The following ERBB4 variants were observed in gnomAD, a reference collection of about 807,000 sequenced individuals.
The protein encoded by ERBB4 is erb-b2 receptor tyrosine kinase 4, also known as receptor tyrosine-protein kinase erbB-4.
ERBB4 carries 42 observed loss-of-function variants against 158.0 expected under a neutral mutation model. The observed-to-expected ratio is 0.27, with a 90% CI of 0.21 to 0.34. The LOEUF is 0.34. Among genes scored for constraint, ERBB4 ranks in the 10% least tolerant of loss-of-function variants. The pLI, the probability that ERBB4 is intolerant of heterozygous loss-of-function variation, is 1.00. For synonymous variants in ERBB4, 583 were observed against 558.7 expected, an observed-to-expected ratio of 1.04 and a Z score of -0.61; for missense variants, 1,333 against 1,624.1, an observed-to-expected ratio of 0.82 and a Z score of 3.08.
At chr2:211,574,069 T>C (rs2067820847) in intron 19 of ERBB4, among the ~76,000 whole-genome samples, 1 of 152,238 alleles carries the variant, frequency 6.6e-6, no homozygotes, top group Non-Finnish European at 1.5e-5. Context: ...TTAGCTATTA[T>C]TATTTTTATT....
intron 1 of ERBB4, among the ~76,000 whole-genome samples, chr2:212,209,885 G>GA (rs1449722643): frequency 2.6e-5 from 4 of 152,056 alleles, no homozygotes; most frequent in Non-Finnish European, 5.9e-5. Flanking sequence ...GTAGAGAAAA[G>GA]ACACCCTTTC....
intron 20 of ERBB4, among the ~76,000 whole-genome samples, chr2:211,486,671 A>G (rs992000018): frequency 3.3e-5 from 5 of 152,026 alleles, no homozygotes; most frequent in Non-Finnish European, 7.4e-5. Context: ...ATAACCATCC[A>G]TGACCCTGTG....
chr2:212,137,119 G>C (rs1269593348), intron 1 of ERBB4, among the ~76,000 whole-genome samples: 1 of 152,020 alleles, frequency 6.6e-6, no homozygotes, highest in South Asian at 2.1e-4. Flanking sequence ...TGAGTAGTGG[G>C]TTGTTATTTT....
intron 1 of ERBB4, among the ~76,000 whole-genome samples, chr2:212,291,674 T>C (rs1162565026): frequency 2.6e-5 from 4 of 152,138 alleles, no homozygotes; most frequent in Admixed American, 1.3e-4. Flanking sequence ...AAATAATCAT[T>C]TGATGAACAT....
intron 1 of ERBB4, among the ~76,000 whole-genome samples, chr2:212,508,722 C>A (rs1168208952): frequency 2.0e-5 from 3 of 152,056 alleles, no homozygotes; most frequent in African/African-American, 7.2e-5. Flanking sequence ...CTAATTTCAG[C>A]ATTCTGGAAC....
chr2:211,538,197 TCTC>T (rs1432405334), intron 20 of ERBB4, among the ~76,000 whole-genome samples: 2 of 151,806 alleles, frequency 1.3e-5, no homozygotes, highest in African/African-American at 4.8e-5. Flanking sequence ...AGTACTGCCT[TCTC>T]CTTCTACAGG....
intron 1 of ERBB4, among the ~76,000 whole-genome samples, chr2:212,411,822 GCTATA>G (rs1191954592): frequency 6.6e-6 from 1 of 152,002 alleles, no homozygotes; most frequent in Non-Finnish European, 1.5e-5. Context: ...TATAGTATCT[GCTATA>G]CTATACTATA....
At chr2:212,483,608 C>G (rs926186711) in intron 1 of ERBB4, among the ~76,000 whole-genome samples, 1 of 152,226 alleles carries the variant, frequency 6.6e-6, no homozygotes, top group Non-Finnish European at 1.5e-5. Context: ...AATGTTTTCT[C>G]TTCTCTTTGT....
At chr2:212,487,449 G>A (rs1236730930) in intron 1 of ERBB4, among the ~76,000 whole-genome samples, 1 of 151,802 alleles carries the variant, frequency 6.6e-6, no homozygotes, top group Admixed American at 6.6e-5. Flanking sequence ...AAATGGGGAG[G>A]TGCGACAAAT....
intron 4 of ERBB4, among the ~76,000 whole-genome samples, chr2:211,784,665 G>T (rs1452877122): frequency 6.6e-6 from 1 of 152,002 alleles, no homozygotes; most frequent in Non-Finnish European, 1.5e-5. Context: ...TTTAATTTTT[G>T]AGAAACCACC....
At chr2:212,471,634 A>G (rs1689122959) in intron 1 of ERBB4, among the ~76,000 whole-genome samples, 1 of 151,884 alleles carries the variant, frequency 6.6e-6, no homozygotes, top group Non-Finnish European at 1.5e-5. Flanking sequence ...TGTTACTATA[A>G]TATAAATGAA....
chr2:212,088,615 T>G (rs1010795624), intron 2 of ERBB4, among the ~76,000 whole-genome samples: 29 of 152,106 alleles, frequency 1.9e-4, no homozygotes, highest in Admixed American at 1.4e-3. Flanking sequence ...ATTACCCACT[T>G]CTTTGTGGTT....
chr2:211,650,899 T>C (rs569487152), intron 16 of ERBB4, among the ~76,000 whole-genome samples: 1 of 152,184 alleles, frequency 6.6e-6, no homozygotes, highest in African/African-American at 2.4e-5. Context: ...TACAATTACA[T>C]AGAATCTCAA....
At chr2:212,487,461 A>C (rs1690038151) in intron 1 of ERBB4, among the ~76,000 whole-genome samples, 1 of 152,110 alleles carries the variant, frequency 6.6e-6, no homozygotes, top group Admixed American at 6.6e-5. Context: ...GCGACAAATA[A>C]AAAATTAAGT....
rs188130889 is a variant in ERBB4, at chr2:212,321,259, G to A, written c.83-196356C>T. On this transcript the variant is annotated intron_variant, in intron 1 of 27. Transcript: ENST00000342788. ...TGTAAAGTGATTAAAGAACAACTAC[G>A]TTTATTAACAAATTAATTGAGGGAC... Among the ~76,000 whole-genome samples the A allele has an allele frequency of 1.8e-4, 27 of 150,600 alleles. No homozygotes were observed. The East Asian group carries it at 2.3e-3, about 13-fold the overall frequency.
At chr2:212,020,285 C>T (rs1006779253) in intron 2 of ERBB4, among the ~76,000 whole-genome samples, 5 of 151,980 alleles carry the variant, frequency 3.3e-5, no homozygotes, top group Non-Finnish European at 7.4e-5. Flanking sequence ...AAAAAATAGA[C>T]TCAATATGCT....
intron 3 of ERBB4, among the ~76,000 whole-genome samples, chr2:211,946,372 C>G (rs1420572140): frequency 6.6e-6 from 1 of 151,820 alleles, no homozygotes; most frequent in East Asian, 1.9e-4. Flanking sequence ...ATTCATCTTG[C>G]TTTTTGTTAT....
rs2087427490 is a variant in ERBB4 at position 212,318,950 on chromosome 2, C to A, written c.83-194047G>T. ...AGAGCCAGTGGGGACCAATCCTCACCATTTTTCAGTGTTCTCTTTGCTTCA... is the reference window on the plus strand; with the variant it reads ...AGAGCCAGTGGGGACCAATCCTCACAATTTTTCAGTGTTCTCTTTGCTTCA... On this transcript the variant is annotated intron_variant, in intron 1 of 27. Coordinates refer to ENST00000342788, the MANE Select transcript of ERBB4 (RefSeq NM_005235.3). 2.0e-5 allele frequency among the ~76,000 whole-genome samples: 3 copies of A among 151,462 alleles called. No homozygotes were observed. The South Asian group carries it at 6.2e-4, about 31-fold the overall frequency.
At chr2:211,724,054 T>C (rs992083557) in intron 6 of ERBB4, among the ~76,000 whole-genome samples, 1 of 152,220 alleles carries the variant, frequency 6.6e-6, no homozygotes, top group Non-Finnish European at 1.5e-5. Flanking sequence ...GAATTGTTAA[T>C]GAAACACCTG....
Sources: gnomAD v4.1 joint callset for allele counts (sites outside exome capture counted in the v4.1 genomes callset) on GRCh38, gnomAD v4.1.1 for gene constraint, MANE v1.5 for transcripts, NCBI Gene and HGNC (gene_info 2026-07-23, HGNC 2026-07-21) for gene names.